Variants in GSK3B observed in about 807,000 individuals in gnomAD.
GSK3B encodes the protein glycogen synthase kinase-3 beta.
GSK3B carries 15 observed loss-of-function variants against 56.4 expected under a neutral mutation model. The ratio of observed to expected loss-of-function variants is 0.27; its 90% CI spans 0.18 to 0.41. GSK3B has a LOEUF of 0.41. Among genes scored for constraint, GSK3B ranks in the 10% least tolerant of loss-of-function variants. GSK3B has a pLI of 1.00. For synonymous variants in GSK3B, 181 were observed against 188.9 expected, an observed-to-expected ratio of 0.96 and a Z score of 0.34; for missense variants, 300 against 513.4, an observed-to-expected ratio of 0.58 and a Z score of 4.02.
chr3:119,928,364 G>C (rs1361977324), intron 3 of GSK3B, among the ~76,000 whole-genome samples: 1 of 152,138 alleles, frequency 6.6e-6, no homozygotes, highest in African/African-American at 2.4e-5. Context: ...CCAGCACTTT[G>C]GGAGGCAGAG....
intron 2 of GSK3B, among the ~76,000 whole-genome samples, chr3:119,994,205 C>T (rs2057593258): frequency 6.6e-6 from 1 of 151,880 alleles, no homozygotes; most frequent in Admixed American, 6.6e-5. Flanking sequence ...AGATTATAAC[C>T]CATTTAATAA....
chr3:119,932,519 T>TTA (rs1553735773), intron 3 of GSK3B, among the ~76,000 whole-genome samples: 1 of 151,572 alleles, frequency 6.6e-6, no homozygotes, highest in African/African-American at 2.4e-5. Flanking sequence ...TTTTTTTTTT[T>TTA]AGAAAAATAA....
chr3:120,021,511 A>G (rs890050907), intron 1 of GSK3B, among the ~76,000 whole-genome samples: 13 of 151,722 alleles, frequency 8.6e-5, no homozygotes, highest in Admixed American at 4.6e-4. Context: ...GTGAGACTCC[A>G]TCTCCAAAAA....
chr3:119,936,354 A>ATTTTT (rs34550759), intron 3 of GSK3B, among the ~76,000 whole-genome samples: 1 of 125,746 alleles, frequency 8.0e-6, no homozygotes, highest in African/African-American at 3.0e-5. Flanking sequence ...ATATATATAT[A>ATTTTT]TTTTTTTTTT....
intron 2 of GSK3B, among the ~76,000 whole-genome samples, chr3:119,969,304 A>C (rs1465446106): frequency 6.6e-6 from 1 of 152,050 alleles, no homozygotes; most frequent in Non-Finnish European, 1.5e-5. Flanking sequence ...AAAAAAAAAA[A>C]AATCTATATG....
chr3:119,943,978 C>T (rs182875824), intron 3 of GSK3B, among the ~76,000 whole-genome samples: 3 of 148,370 alleles, frequency 2.0e-5, no homozygotes, highest in Non-Finnish European at 3.0e-5. Context: ...AAGACAAAGG[C>T]GAAAAAAGGG....
chr3:120,022,954 G>A (rs887948168), intron 1 of GSK3B, among the ~76,000 whole-genome samples: 2 of 152,152 alleles, frequency 1.3e-5, no homozygotes, highest in Non-Finnish European at 2.9e-5. Flanking sequence ...CTCATTATTC[G>A]CAGTGTCAAA....
chr3:119,958,790 T>A (rs2057241456), intron 2 of GSK3B, among the ~76,000 whole-genome samples: 1 of 151,810 alleles, frequency 6.6e-6, no homozygotes, highest in South Asian at 2.1e-4. Context: ...ACTTTTTTCA[T>A]GAAAAGAGTG....
At chr3:120,089,305 A>G (rs972785103) in intron 1 of GSK3B, among the ~76,000 whole-genome samples, 8 of 152,226 alleles carry the variant, frequency 5.3e-5, no homozygotes, top group African/African-American at 1.9e-4. Flanking sequence ...ATTCTTAAAT[A>G]TCTTAAACGT....
chr3:119,912,707 T>C lies in GSK3B; in HGVS notation c.712A>G (p.Ile238Val). Residue 238 changes from isoleucine (I) to valine (V), a missense_variant, in exon 6 of 11, where the codon ATA (isoleucine) becomes GTA (valine). Coordinates refer to ENST00000264235, the MANE Select transcript of GSK3B (RefSeq NM_001146156.2). ...IFGATDYTSS[I>V]DVWSAGCVLA... is the part of the protein sequence containing the mutation. ...TTATATTCAGATTTGTACTTACCTA[T>C]ACTAGAGGTATAATCAGTGGCTCCA... 7.3e-7 allele frequency: 1 copy of C among 1,376,860 alleles called. No individual in the cohort carries two copies. 85.3% of individuals were successfully genotyped at this position (1,376,860 alleles called of 1,614,324 possible). A position where few individuals can be genotyped will look rare whatever the true frequency, so the allele number is the denominator to read the frequency against.
intron 1 of GSK3B, among the ~76,000 whole-genome samples, chr3:120,079,077 G>A (rs1434414224): frequency 1.4e-5 from 2 of 148,072 alleles, no homozygotes; most frequent in Admixed American, 6.7e-5. Flanking sequence ...GTGTAGCTGG[G>A]ATTACAAGCA....
At chr3:119,889,261 C>T (rs1431381930) in intron 7 of GSK3B, among the ~76,000 whole-genome samples, 2 of 152,078 alleles carry the variant, frequency 1.3e-5, no homozygotes, top group African/African-American at 4.8e-5. Context: ...AAATTCCTCT[C>T]TTTGTACTCT....
intron 2 of GSK3B, among the ~76,000 whole-genome samples, chr3:119,984,953 C>G (rs1334252847): frequency 2.0e-5 from 3 of 152,132 alleles, no homozygotes; most frequent in African/African-American, 7.2e-5. Flanking sequence ...AAAATATTGG[C>G]AAATTGAATC....
intron 7 of GSK3B, among the ~76,000 whole-genome samples, chr3:119,900,593 T>C (rs1384711719): frequency 1.3e-5 from 2 of 152,122 alleles, no homozygotes; most frequent in Admixed American, 6.6e-5. Context: ...AGATTGCTTA[T>C]ATGGAATTTC....
intron 3 of GSK3B, among the ~76,000 whole-genome samples, chr3:119,925,336 T>C (rs2056880376): frequency 6.6e-6 from 1 of 152,130 alleles, no homozygotes; most frequent in African/African-American, 2.4e-5. Context: ...TCAAAATCAA[T>C]TTGTCCAGCA....
intron 10 of GSK3B, among the ~76,000 whole-genome samples, chr3:119,837,215 C>T (rs936845689): frequency 4.6e-5 from 7 of 152,120 alleles, no homozygotes; most frequent in Admixed American, 3.9e-4. Flanking sequence ...AGTGCAGTGG[C>T]GTGATCTCGG....
At chr3:120,082,869 T>A (rs954625912) in intron 1 of GSK3B, among the ~76,000 whole-genome samples, 2 of 152,340 alleles carry the variant, frequency 1.3e-5, no homozygotes, top group Middle Eastern at 3.4e-3. Flanking sequence ...TTCACTTGTG[T>A]CTATTTTTCA....
intron 2 of GSK3B, among the ~76,000 whole-genome samples, chr3:119,967,361 C>T (rs2057326923): frequency 6.6e-6 from 1 of 152,142 alleles, no homozygotes; most frequent in South Asian, 2.1e-4. Context: ...CCGGCGTGAG[C>T]CACTGCGCCT....
At chr3:120,070,240 CAAAAA>C (rs11341740) in intron 1 of GSK3B, among the ~76,000 whole-genome samples, 1 of 131,082 alleles carries the variant, frequency 7.6e-6, no homozygotes, top group African/African-American at 2.6e-5. Context: ...AAACAAAAAA[CAAAAA>C]AAAAAAACAT....
Sources: allele counts gnomAD v4.1 joint callset (sites outside exome capture counted in the v4.1 genomes callset), GRCh38; gene constraint gnomAD v4.1.1; transcripts MANE v1.5; gene names NCBI Gene and HGNC (gene_info 2026-07-23, HGNC 2026-07-21).